LRP1B: variants seen among roughly 807,000 people sequenced by gnomAD.
The protein encoded by LRP1B is low-density lipoprotein receptor-related protein 1B.
A neutral mutation model predicts 556.6 loss-of-function variants in LRP1B; 217 were observed. The ratio of observed to expected loss-of-function variants is 0.39; its 90% CI spans 0.35 to 0.44. The LOEUF is 0.44. LRP1B is among the 20% of genes least tolerant of loss of function. LRP1B has a pLI of 1.00. For synonymous variants in LRP1B, 2,047 were observed against 1,865.8 expected (o/e 1.10, Z -2.50); for missense variants, 5,053 against 5,620.8 (o/e 0.90, Z 3.23).
chr2:141,337,683 C>G (rs2714229), intron 3 of LRP1B, among the ~76,000 whole-genome samples: 67,751 of 151,994 alleles, frequency 0.45, 16,840 homozygotes, highest in Non-Finnish European at 0.57. Flanking sequence ...TGCTATTAAA[C>G]CCAACCAGTA....
At chr2:141,013,442 T>C in intron 14 of LRP1B, 114 bp downstream of exon 14, 1 of 826,114 alleles carries the variant, frequency 1.2e-6, no homozygotes, top group South Asian at 2.2e-5. Flanking sequence ...TGGAGGGAAT[T>C]TGACATCTTT....
intron 2 of LRP1B, among the ~76,000 whole-genome samples, chr2:141,613,464 T>A (rs1214194091): frequency 6.6e-6 from 1 of 152,184 alleles, no homozygotes; most frequent in East Asian, 1.9e-4. Flanking sequence ...GTTTATTAAA[T>A]TTTAATAATT....
At chr2:142,025,918 T>C (rs78325809) in intron 1 of LRP1B, among the ~76,000 whole-genome samples, 5,497 of 152,190 alleles carry the variant, frequency 0.036, 228 homozygotes, top group East Asian at 0.17. Context: ...TTTGACCTAC[T>C]ACCCAGCATC....
intron 1 of LRP1B, among the ~76,000 whole-genome samples, chr2:141,851,798 C>G (rs1380390889): frequency 1.3e-5 from 2 of 151,504 alleles, no homozygotes; most frequent in South Asian, 4.2e-4. Flanking sequence ...CAAATATATC[C>G]AAATAGACAT....
chr2:141,370,034 A>T (rs564315616), intron 3 of LRP1B, among the ~76,000 whole-genome samples: 83 of 152,138 alleles, frequency 5.5e-4, no homozygotes, highest in African/African-American at 1.9e-3. Flanking sequence ...TTCTTTATCC[A>T]TTCCTCCATT....
chr2:141,707,209 A>C (rs1692174873), intron 2 of LRP1B, among the ~76,000 whole-genome samples: 1 of 152,068 alleles, frequency 6.6e-6, no homozygotes, highest in South Asian at 2.1e-4. Flanking sequence ...ACTATCCCTT[A>C]TATACGCCAT....
intron 3 of LRP1B, among the ~76,000 whole-genome samples, chr2:141,280,135 T>G (rs1313699825): frequency 6.6e-6 from 1 of 152,094 alleles, no homozygotes; most frequent in South Asian, 2.1e-4. Flanking sequence ...CTTACTACGT[T>G]GCGTGAATTT....
intron 72 of LRP1B, among the ~76,000 whole-genome samples, chr2:140,360,026 T>C (rs1028623481): frequency 6.6e-6 from 1 of 151,630 alleles, no homozygotes; most frequent in African/African-American, 2.4e-5. Context: ...TAGCTGTTTA[T>C]GATCTTTTAC....
At chr2:141,231,993 C>T (rs1271692809) in intron 5 of LRP1B, among the ~76,000 whole-genome samples, 3 of 152,162 alleles carry the variant, frequency 2.0e-5, no homozygotes, top group Admixed American at 6.5e-5. Flanking sequence ...AAGATCATTT[C>T]CACAAAAACA....
intron 77 of LRP1B, among the ~76,000 whole-genome samples, chr2:140,344,833 G>T (rs1366620451): frequency 4.0e-5 from 6 of 151,632 alleles, no homozygotes; most frequent in African/African-American, 1.5e-4. Flanking sequence ...TAAGGGCTGA[G>T]CCTGGGGTAT....
intron 1 of LRP1B, among the ~76,000 whole-genome samples, chr2:141,989,765 T>C (rs532702255): frequency 3.3e-5 from 5 of 152,192 alleles, no homozygotes; most frequent in African/African-American, 1.2e-4. Flanking sequence ...GAGGTGACTT[T>C]GCTAGGATTT....
intron 32 of LRP1B, among the ~76,000 whole-genome samples, chr2:140,780,743 T>C (rs1689669232): frequency 6.6e-6 from 1 of 152,168 alleles, no homozygotes; most frequent in African/African-American, 2.4e-5. Context: ...AACTGAACAT[T>C]TGAACACATC....
At chr2:140,900,859 A>T (rs1339726597) in intron 23 of LRP1B, among the ~76,000 whole-genome samples, 2 of 152,118 alleles carry the variant, frequency 1.3e-5, no homozygotes, top group Non-Finnish European at 2.9e-5. Flanking sequence ...GATTTAATTG[A>T]TGAAAAAAGA....
At chr2:141,455,186 T>C (rs981131502) in intron 3 of LRP1B, among the ~76,000 whole-genome samples, 1 of 151,862 alleles carries the variant, frequency 6.6e-6, no homozygotes, top group Non-Finnish European at 1.5e-5. Flanking sequence ...AAAAGACTGA[T>C]GTATTTAATC....
At chr2:140,646,423 T>G (rs2105310585) in intron 41 of LRP1B, among the ~76,000 whole-genome samples, 1 of 152,332 alleles carries the variant, frequency 6.6e-6, no homozygotes, top group African/African-American at 2.4e-5. Context: ...CATGTTGTAC[T>G]AGGTACTATT....
intron 81 of LRP1B, among the ~76,000 whole-genome samples, chr2:140,322,389 G>A (rs1057304919): frequency 6.6e-6 from 1 of 151,976 alleles, no homozygotes; most frequent in Non-Finnish European, 1.5e-5. Flanking sequence ...ATAAGAGTTG[G>A]TCCTAGAACC....
At chr2:141,268,736 A>G (rs541250749) in intron 3 of LRP1B, among the ~76,000 whole-genome samples, 1 of 152,300 alleles carries the variant, frequency 6.6e-6, no homozygotes, top group South Asian at 2.1e-4. Flanking sequence ...TTGCAGCAGA[A>G]TACTGAAGAA....
At chr2:141,565,765 G>A (rs890841307) in intron 2 of LRP1B, among the ~76,000 whole-genome samples, 1 of 152,188 alleles carries the variant, frequency 6.6e-6, no homozygotes, top group African/African-American at 2.4e-5. Flanking sequence ...AAGTTAAGAG[G>A]TACACTGTTT....
chr2:140,794,902 C>T (rs1316983548), intron 32 of LRP1B, among the ~76,000 whole-genome samples: 5 of 152,046 alleles, frequency 3.3e-5, no homozygotes, highest in East Asian at 1.9e-4. Context: ...CATGAGCAAC[C>T]GCACCCAGCC....
Sources: gnomAD v4.1 joint callset for allele counts (sites outside exome capture counted in the v4.1 genomes callset) on GRCh38, gnomAD v4.1.1 for gene constraint, MANE v1.5 for transcripts, NCBI Gene and HGNC (gene_info 2026-07-23, HGNC 2026-07-21) for gene names.